TMBIM4: variants seen among roughly 807,000 people sequenced by gnomAD.
The protein encoded by TMBIM4 is protein lifeguard 4.
In TMBIM4, 28 loss-of-function variants were observed where a neutral mutation model predicts 27.7. That is an observed-to-expected ratio of 1.01 (90% CI 0.75 to 1.38). The LOEUF is 1.38. TMBIM4 is among the 40% of genes most tolerant of loss of function. The pLI is 0.00. For missense variants in TMBIM4, 265 were observed against 277.5 expected (o/e 0.95, Z 0.32); for synonymous variants, 115 against 113.1 (o/e 1.02, Z -0.11).
intron 1 of TMBIM4, among the ~76,000 whole-genome samples, chr12:66,163,261 T>C (rs2052071701): frequency 6.6e-6 from 1 of 152,218 alleles, no homozygotes; most frequent in African/African-American, 2.4e-5. Flanking sequence ...TAAATAGTTC[T>C]CATGCACTCC....
chr12:66,161,328 C>T (rs977546527), intron 1 of TMBIM4, among the ~76,000 whole-genome samples: 2 of 152,194 alleles, frequency 1.3e-5, no homozygotes, highest in Non-Finnish European at 2.9e-5. Context: ...GCAAGCTCCG[C>T]CTCCCAGCTT....
At chr12:66,169,762 A>G (rs180817244) in intron 1 of TMBIM4, 93 bp downstream of exon 1, 13 of 1,008,026 alleles carry the variant, frequency 1.3e-5, no homozygotes, top group East Asian at 3.2e-5. Flanking sequence ...GTCCCAGGAG[A>G]TGGCCGCTCT....
At chr12:66,149,086 C>CT (rs2051798958) in intron 3 of TMBIM4, among the ~76,000 whole-genome samples, 1 of 152,148 alleles carries the variant, frequency 6.6e-6, no homozygotes, top group Admixed American at 6.5e-5. Flanking sequence ...GGCAATGGAA[C>CT]TGCTGTCACA....
intron 3 of TMBIM4, 70 bp downstream of exon 3, chr12:66,152,197 ATATG>A: frequency 1.3e-6 from 1 of 744,590 alleles, no homozygotes; most frequent in Non-Finnish European, 2.0e-6. Flanking sequence ...CCGTTGTTAT[ATATG>A]TATTATATAT....
Position 66,169,928 on chromosome 12 carries a change from G to C in TMBIM4, c.24C>G (p.Tyr8Ter). 2 of 1,495,048 alleles carry C rather than the reference G, an allele frequency of 1.3e-6. No homozygotes were observed. Among genetic ancestry groups the C allele is most frequent in the Non-Finnish European group, 1.8e-6 (2 of 1,124,244 alleles). 92.6% of individuals were successfully genotyped at this position (1,495,048 alleles called of 1,614,324 possible). ...AGTCGTCCTCGATCGAGGAGCGAGG[G>C]TACCGGGGGTCGGGGTCAGCCATGA... MADPDPR[Y>*]PRSSIEDDFN... Residue 8 changes from tyrosine (Y) to a stop codon, truncating the protein, a stop_gained, in exon 1 of 7, where the codon TAC becomes TAG. Transcript: ENST00000358230. LOFTEE classifies it high-confidence loss of function.
intron 3 of TMBIM4, among the ~76,000 whole-genome samples, chr12:66,149,277 C>G (rs372306063): frequency 2.6e-5 from 4 of 151,214 alleles, no homozygotes; most frequent in Non-Finnish European, 5.9e-5. Flanking sequence ...CCCCTCTCTA[C>G]GAAAAACACA....
At position 66,137,879 on chromosome 12, in the gene TMBIM4, T is replaced by C; in HGVS notation, c.*81A>G. ...TTATTACTTAATGAAACAGTTTCTA[T>C]ATACTGCTTCCAATTACTTTAATCC... On this transcript the variant is annotated 3_prime_UTR_variant, in exon 7 of 7. Coordinates refer to ENST00000358230, the MANE Select transcript of TMBIM4 (RefSeq NM_016056.4). 4.5e-6 allele frequency: 5 copies of C among 1,123,544 alleles called. No individual in the cohort carries two copies. The Admixed American group carries it at 5.8e-5, about 13-fold the overall frequency. 69.6% of individuals were successfully genotyped at this position (1,123,544 alleles called of 1,614,324 possible).
chr12:66,153,646 C>A (rs1019989505), intron 1 of TMBIM4, among the ~76,000 whole-genome samples, 198 bp from the exon 2 acceptor site: 2 of 151,888 alleles, frequency 1.3e-5, no homozygotes, highest in African/African-American at 4.8e-5. Flanking sequence ...GATATCTAAA[C>A]CTCTCTCCAA....
chr12:66,154,018 A>G (rs972157334), intron 1 of TMBIM4, among the ~76,000 whole-genome samples: 6 of 152,152 alleles, frequency 3.9e-5, no homozygotes, highest in African/African-American at 7.2e-5. Flanking sequence ...TTTGTTATCA[A>G]TACCCAGAAA....
intron 5 of TMBIM4, among the ~76,000 whole-genome samples, chr12:66,144,061 G>C (rs1015752637): frequency 2.0e-5 from 3 of 152,102 alleles, no homozygotes; most frequent in Non-Finnish European, 4.4e-5. Context: ...AAGAGCAGTA[G>C]TGAAGTGTTA....
chr12:66,146,112 G>A (rs1399608297), intron 4 of TMBIM4, among the ~76,000 whole-genome samples, 154 bp from the exon 5 acceptor site: 1 of 152,028 alleles, frequency 6.6e-6, no homozygotes, highest in Non-Finnish European at 1.5e-5. Flanking sequence ...GACTACATGG[G>A]TACAGTGAAA....
intron 1 of TMBIM4, among the ~76,000 whole-genome samples, chr12:66,159,277 T>C (rs1039484431): frequency 6.6e-6 from 1 of 152,192 alleles, no homozygotes; most frequent in African/African-American, 2.4e-5. Context: ...CTCCCATGGA[T>C]TGCTTGCTCC....
At chr12:66,154,233 C>T (rs2051897130) in intron 1 of TMBIM4, among the ~76,000 whole-genome samples, 1 of 152,196 alleles carries the variant, frequency 6.6e-6, no homozygotes, top group South Asian at 2.1e-4. Flanking sequence ...CAGCCTTTCT[C>T]AGTTCCGCAT....
At chr12:66,159,791 C>A (rs1013377024) in intron 1 of TMBIM4, among the ~76,000 whole-genome samples, 3 of 152,186 alleles carry the variant, frequency 2.0e-5, no homozygotes, top group Admixed American at 6.5e-5. Context: ...TTGCTTACCT[C>A]TTTAGGGTCT....
intron 4 of TMBIM4, among the ~76,000 whole-genome samples, chr12:66,147,255 A>G (rs1441999595): frequency 6.6e-6 from 1 of 152,148 alleles, no homozygotes; most frequent in Non-Finnish European, 1.5e-5. Context: ...TATATTAACT[A>G]TAAGGATAAA....
At chr12:66,144,941 A>T (rs1000729048) in intron 5 of TMBIM4, among the ~76,000 whole-genome samples, 18 of 152,146 alleles carry the variant, frequency 1.2e-4, no homozygotes, top group Admixed American at 2.6e-4. Context: ...TGATACTGGA[A>T]TTAATGAAAG....
At chr12:66,141,200 T>G in intron 5 of TMBIM4, among the ~76,000 whole-genome samples, 1 of 152,042 alleles carries the variant, frequency 6.6e-6, no homozygotes. Context: ...AATACATTGG[T>G]GAACATAAAA....
At chr12:66,153,294 C>T in intron 2 of TMBIM4, 46 bp downstream of exon 2, 1 of 1,121,214 alleles carries the variant, frequency 8.9e-7, no homozygotes, top group Admixed American at 2.3e-5. Flanking sequence ...CCTTTTTGAT[C>T]ATATGCAATG....
At chr12:66,160,213 G>A (rs868421774) in intron 1 of TMBIM4, 22 of 703,194 alleles carry the variant, frequency 3.1e-5, no homozygotes, top group African/African-American at 1.0e-4. Context: ...CCAGATTGCC[G>A]GAGATGAAAA....
Sources: allele counts gnomAD v4.1 joint callset (sites outside exome capture counted in the v4.1 genomes callset), GRCh38; gene constraint gnomAD v4.1.1; transcripts MANE v1.5; gene names NCBI Gene and HGNC (gene_info 2026-07-23, HGNC 2026-07-21).